UNC5B: variants seen among roughly 807,000 people sequenced by gnomAD.
UNC5B encodes the protein unc-5 netrin receptor B, also known as netrin receptor UNC5B.
Under a neutral mutation model 103.7 loss-of-function variants are expected in UNC5B, and 56 were observed. The observed-to-expected ratio is 0.54, with a 90% confidence interval of 0.44 to 0.67. The LOEUF (loss-of-function observed/expected upper bound fraction) is 0.67, where lower values mean the gene tolerates loss of function less well. Ranked by LOEUF, UNC5B falls within the 30% of genes least tolerant of loss-of-function variation. The pLI is 0.00. For missense variants in UNC5B, 1,194 were observed against 1,284.5 expected, an observed-to-expected ratio of 0.93 and a Z score of 1.08; for synonymous variants, 577 against 542.0, an observed-to-expected ratio of 1.06 and a Z score of -0.90.
intron 16 of UNC5B, among the ~76,000 whole-genome samples, chr10:71,298,471 G>C (rs900012824): frequency 6.6e-6 from 1 of 152,150 alleles, no homozygotes; most frequent in Admixed American, 6.5e-5. Flanking sequence ...GATGCTTGCT[G>C]ACTGACCAAG....
intron 1 of UNC5B, among the ~76,000 whole-genome samples, chr10:71,254,817 C>T (rs149603276): frequency 1.3e-5 from 2 of 152,362 alleles, no homozygotes; most frequent in African/African-American, 4.8e-5. Flanking sequence ...CCCTTAGAAA[C>T]AACACCAGGC....
intron 3 of UNC5B, 62 bp downstream of exon 3, chr10:71,284,925 G>T (rs992479503): frequency 1.3e-5 from 20 of 1,527,176 alleles, no homozygotes; most frequent in Non-Finnish European, 1.8e-5. Flanking sequence ...GAGGATGCTG[G>T]AGAGGGAACT....
intron 1 of UNC5B, among the ~76,000 whole-genome samples, chr10:71,245,415 G>T (rs549320346): frequency 6.6e-6 from 1 of 152,268 alleles, no homozygotes; most frequent in South Asian, 2.1e-4. Context: ...TGGCAGGGGG[G>T]ACCCTTCTAT....
At chr10:71,236,910 G>A (rs1843785914) in intron 1 of UNC5B, among the ~76,000 whole-genome samples, 1 of 152,220 alleles carries the variant, frequency 6.6e-6, no homozygotes, top group African/African-American at 2.4e-5. Context: ...TTCCACTTAG[G>A]AATGAGAGAA....
Position 71,291,830 on chromosome 10 carries a change from C to T in UNC5B, c.1684+9C>T, listed in dbSNP as rs750983057. 16 of 1,581,236 alleles carry T rather than the reference C, an allele frequency of 1.0e-5. No individual in the cohort carries two copies. In the East Asian group the frequency reaches 1.8e-4, roughly 18 times the overall value. On this transcript the variant is annotated intron_variant, in intron 10 of 16. Transcript: ENST00000335350. ...CAGCATCCCCGGCACAGGTGAGCCC[C>T]TGCCCTGCTTGTGCGTCAGCCTGGC...
chr10:71,284,443 CG>C (rs1381490983), intron 2 of UNC5B, among the ~76,000 whole-genome samples: 1 of 152,134 alleles, frequency 6.6e-6, no homozygotes, highest in Non-Finnish European at 1.5e-5. Flanking sequence ...GGTCTCATAA[CG>C]GGGGGAATGA....
intron 1 of UNC5B, among the ~76,000 whole-genome samples, chr10:71,236,608 G>A (rs138222329): frequency 6.2e-4 from 94 of 152,274 alleles, no homozygotes; most frequent in East Asian, 2.1e-3. Flanking sequence ...GGGCCCTCCC[G>A]CCCCACACTG....
At chr10:71,283,145 G>C (rs1180867442) in intron 2 of UNC5B, among the ~76,000 whole-genome samples, 1 of 152,040 alleles carries the variant, frequency 6.6e-6, no homozygotes, top group Non-Finnish European at 1.5e-5. Context: ...GGAGTTGTGG[G>C]TGAGGGGACC....
intron 4 of UNC5B, 50 bp downstream of exon 4, chr10:71,285,479 C>T (rs1448838897): frequency 2.0e-6 from 3 of 1,469,204 alleles, no homozygotes; most frequent in Admixed American, 4.2e-5. Context: ...GCCATGCCTG[C>T]AGAAGCCAGG....
Position 71,299,608 on chromosome 10 carries a change from TC to T in UNC5B, c.*332del. ...AGGCCCTCCCTCCACCCCCCCACCC[TC>T]AGCCCGGCAACTTCTGGGTTCCATG... On this transcript the variant is annotated 3_prime_UTR_variant, in exon 17 of 17. Transcript: ENST00000335350. 1 of 252,178 alleles carries T rather than the reference TC, an allele frequency of 4.0e-6. No individual in the cohort carries two copies. Among genetic ancestry groups the T allele is most frequent in the Non-Finnish European group, 7.5e-6 (1 of 132,976 alleles). 15.6% of individuals were successfully genotyped at this position (252,178 alleles called of 1,614,324 possible).
intron 2 of UNC5B, among the ~76,000 whole-genome samples, chr10:71,280,738 T>C (rs917886029): frequency 1.3e-5 from 2 of 152,172 alleles, no homozygotes; most frequent in Admixed American, 6.5e-5. Context: ...CAGGGTGCCC[T>C]CGAGTCTAAG....
chr10:71,286,432 T>TA (rs1236137637), intron 4 of UNC5B, among the ~76,000 whole-genome samples: 2 of 152,226 alleles, frequency 1.3e-5, no homozygotes, highest in Non-Finnish European at 2.9e-5. Context: ...GATGGATCCC[T>TA]ATGGGGTAGG....
rs1454413243 is a variant in UNC5B at position 71,235,312 on chromosome 10, G to A, written c.79+22248G>A. 2.6e-5 allele frequency among the ~76,000 whole-genome samples: 4 copies of A among 152,176 alleles called. No individual in the cohort carries two copies. In the East Asian group the frequency reaches 7.7e-4, roughly 29 times the overall value. On this transcript the variant is annotated intron_variant, in intron 1 of 16. Coordinates refer to ENST00000335350, the MANE Select transcript of UNC5B (RefSeq NM_170744.5). ...CAGGCCTGCAGCCACCAGCCCTTCTGAACCCCTCTGGGGGCTTGATGGTCA... is the reference window on the plus strand; with the variant it reads ...CAGGCCTGCAGCCACCAGCCCTTCTAAACCCCTCTGGGGGCTTGATGGTCA...
At chr10:71,294,839 C>A (rs1039441958) in intron 13 of UNC5B, among the ~76,000 whole-genome samples, 4 of 152,032 alleles carry the variant, frequency 2.6e-5, no homozygotes, top group African/African-American at 9.7e-5. Flanking sequence ...GTGTTAGCAC[C>A]ACTGTCCCCT....
At chr10:71,285,011 AGC>A in intron 3 of UNC5B, 148 bp downstream of exon 3, 1 of 1,221,966 alleles carries the variant, frequency 8.2e-7, no homozygotes, top group Non-Finnish European at 1.1e-6. Flanking sequence ...CATGGATGCC[AGC>A]TCAGAGAGGG....
intron 1 of UNC5B, among the ~76,000 whole-genome samples, chr10:71,243,744 T>C (rs1697456982): frequency 6.6e-6 from 1 of 152,034 alleles, no homozygotes; most frequent in Non-Finnish European, 1.5e-5. Context: ...TGGAGGAAAA[T>C]CAGAACCACA....
intron 2 of UNC5B, among the ~76,000 whole-genome samples, chr10:71,280,664 G>T (rs533526714): frequency 1.3e-5 from 2 of 152,320 alleles, no homozygotes; most frequent in South Asian, 4.1e-4. Flanking sequence ...GGAGCTCTCG[G>T]TACTCCCAGA....
intron 8 of UNC5B, 27 bp from the exon 9 acceptor site, chr10:71,290,888 C>T (rs746489427): frequency 6.3e-7 from 1 of 1,596,684 alleles, no homozygotes; most frequent in Non-Finnish European, 8.5e-7. Context: ...CTCTGCTGCC[C>T]CTTATGTGGT....
In UNC5B at chr10:71,279,537, C is replaced by T. The variant is rs551256054; in HGVS notation, c.80-284C>T. On this transcript the variant is annotated intron_variant, in intron 1 of 16. Transcript: ENST00000335350. Reference sequence around the variant, plus strand: ...AGATCGCCTCCCCTCCCGGGACCTCCTTGGCCTCTCTGTCTGTAATGAAGT... The same window carrying T: ...AGATCGCCTCCCCTCCCGGGACCTCTTTGGCCTCTCTGTCTGTAATGAAGT... Among the ~76,000 whole-genome samples the T allele has an allele frequency of 3.3e-5, 5 of 152,342 alleles. No individual in the cohort carries two copies. The South Asian group carries it at 8.3e-4, about 25-fold the overall frequency.
Sources: allele counts gnomAD v4.1 joint callset (sites outside exome capture counted in the v4.1 genomes callset), GRCh38; gene constraint gnomAD v4.1.1; transcripts MANE v1.5; gene names NCBI Gene and HGNC (gene_info 2026-07-23, HGNC 2026-07-21).